SH2D4A: variants seen among roughly 807,000 people sequenced by gnomAD.
SH2D4A encodes the protein SH2 domain-containing protein 4A.
A neutral mutation model predicts 64.7 loss-of-function variants in SH2D4A; 70 were observed. That is an observed-to-expected ratio of 1.08 (90% CI 0.89 to 1.32). The LOEUF is 1.32. Ranked by LOEUF, SH2D4A falls within the 40% of genes most tolerant of loss-of-function variation. The pLI, the probability that SH2D4A is intolerant of heterozygous loss-of-function variation, is 0.00. For missense variants in SH2D4A, 706 were observed against 540.1 expected, an observed-to-expected ratio of 1.31 and a Z score of -3.04; for synonymous variants, 268 against 200.7, an observed-to-expected ratio of 1.34 and a Z score of -2.83.
intron 7 of SH2D4A, among the ~76,000 whole-genome samples, chr8:19,367,752 C>T (rs771210213): frequency 2.6e-5 from 4 of 151,890 alleles, no homozygotes; most frequent in Admixed American, 6.6e-5. Flanking sequence ...TATTTTTCTT[C>T]GGTTGCCTGT....
Position 19,319,518 on chromosome 8 carries a change from A to C in SH2D4A, c.-30A>C. On this transcript the variant is annotated 5_prime_UTR_variant, in exon 2 of 10. Coordinates refer to ENST00000265807, the MANE Select transcript of SH2D4A (RefSeq NM_022071.4). ...GAGGCCAGTTTCAGGAACTTTTGCC[A>C]CAAGTATAAAAGACTTCAGAAGTGC... 1 of 1,424,310 alleles carries C rather than the reference A, an allele frequency of 7.0e-7. No individual in the cohort carries two copies. The highest frequency in any genetic ancestry group is 9.2e-7 in the Non-Finnish European group (1 of 1,082,272). 88.2% of individuals were successfully genotyped at this position (1,424,310 alleles called of 1,614,324 possible). A position where few individuals can be genotyped will look rare whatever the true frequency, so the allele number is the denominator to read the frequency against.
At chr8:19,363,869 G>C (rs1450311362) in intron 6 of SH2D4A, 2 of 590,200 alleles carry the variant, frequency 3.4e-6, no homozygotes, top group Admixed American at 3.0e-5. Context: ...CCCCAGTCCT[G>C]TATGAAGAGA....
At chr8:19,332,691 CAAAAAA>C (rs58695585) in intron 2 of SH2D4A, among the ~76,000 whole-genome samples, 4,102 of 81,634 alleles carry the variant, frequency 0.05, 75 homozygotes, top group Non-Finnish European at 0.064. Context: ...GTGAGACTGT[CAAAAAA>C]AAAAAAAAAA....
intron 6 of SH2D4A, among the ~76,000 whole-genome samples, chr8:19,362,695 G>T (rs527618275): frequency 6.6e-6 from 1 of 151,968 alleles, no homozygotes; most frequent in Admixed American, 6.6e-5. Flanking sequence ...AGCCGAGATC[G>T]TACCACTGCA....
chr8:19,328,640 A>T (rs933283503), intron 2 of SH2D4A, among the ~76,000 whole-genome samples: 1 of 152,142 alleles, frequency 6.6e-6, no homozygotes, highest in East Asian at 1.9e-4. Context: ...ACCCTGGTCC[A>T]TCCTGTATAT....
intron 1 of SH2D4A, among the ~76,000 whole-genome samples, chr8:19,314,519 C>G (rs2052053295): frequency 6.6e-6 from 1 of 152,122 alleles, no homozygotes; most frequent in Admixed American, 6.5e-5. Context: ...CTGCCCGCTC[C>G]TGGACTCGGG....
intron 6 of SH2D4A, among the ~76,000 whole-genome samples, chr8:19,361,680 G>C (rs2052890981): frequency 6.6e-6 from 1 of 152,198 alleles, no homozygotes; most frequent in Admixed American, 6.5e-5. Flanking sequence ...ATTTAGAAAT[G>C]TCTAAGTATC....
Position 19,394,730 on chromosome 8 carries a change from C to T in SH2D4A, c.*88C>T, listed in dbSNP as rs2053558738. 2 of 947,158 alleles carry T rather than the reference C, an allele frequency of 2.1e-6. No homozygotes were observed. The highest frequency in any genetic ancestry group is 3.1e-6 in the Non-Finnish European group (2 of 642,854). The allele number at this position is 947,158 out of a possible 1,614,324, so 58.7% of individuals were successfully genotyped here. A position where few individuals can be genotyped will look rare whatever the true frequency, so the allele number is the denominator to read the frequency against. On this transcript the variant is annotated 3_prime_UTR_variant, in exon 10 of 10. Coordinates refer to ENST00000265807, the MANE Select transcript of SH2D4A (RefSeq NM_022071.4). ...CAACATTTATGTGTGAAGCCAAAAT[C>T]ACCCTGCAGCAGAGCCAATACTGAT...
At chr8:19,339,495 C>CT (rs5889867) in intron 4 of SH2D4A, among the ~76,000 whole-genome samples, 102,960 of 128,956 alleles carry the variant, frequency 0.8, 42,446 homozygotes, top group East Asian at 0.9. Flanking sequence ...TATAAACTTT[C>CT]TTTTTTTTTT....
Position 19,394,574 on chromosome 8 carries a change from AAGG to A in SH2D4A, c.1300_1302del (p.Glu434del), listed in dbSNP as rs1208261776. On this transcript the variant is annotated inframe_deletion, in exon 10 of 10. Transcript: ENST00000265807. ...GGAGGAACCCATCACTTCCCTGGGG[AAGG>A]AGCTCCTTCTCTATCCCTGTGGTCA... The A allele has an allele frequency of 6.2e-7, 1 of 1,607,826 alleles. No homozygotes were observed. The highest frequency in any genetic ancestry group is 1.7e-5 in the Admixed American group (1 of 59,450).
rs749642107 is a variant in SH2D4A, at chr8:19,357,222, G to A, written c.533G>A (p.Arg178Lys). 6.2e-7 allele frequency: 1 copy of A among 1,613,774 alleles called. No homozygotes were observed. The highest frequency in any genetic ancestry group is 1.3e-5 in the African/African-American group (1 of 74,936). The change falls in exon 5 of 10, where the codon AGA (arginine) becomes AAA (lysine). Residue 178 changes from arginine (R) to lysine (K), a missense_variant. Transcript: ENST00000265807. ...EKIRSLSSSS[R>K]NIQQMLADSI... ...TTTTAGTCACTCTCCAGTTCTTCAA[G>A]AAATATTCAACAAATGTTGGCAGAT...
intron 5 of SH2D4A, among the ~76,000 whole-genome samples, chr8:19,357,978 G>A (rs2052820750): frequency 1.3e-5 from 2 of 152,052 alleles, no homozygotes; most frequent in Admixed American, 1.3e-4. Context: ...TGTTCCTGTG[G>A]ACCATGCCAT....
At chr8:19,324,503 A>G (rs2052243776) in intron 2 of SH2D4A, among the ~76,000 whole-genome samples, 2 of 152,158 alleles carry the variant, frequency 1.3e-5, no homozygotes, top group Non-Finnish European at 2.9e-5. Context: ...TAGGGCTATC[A>G]GCACAGGGGC....
chr8:19,335,931 T>G (rs890004026), intron 4 of SH2D4A, among the ~76,000 whole-genome samples: 2 of 152,244 alleles, frequency 1.3e-5, no homozygotes, highest in Non-Finnish European at 2.9e-5. Context: ...TGCAGTTGTT[T>G]GATTTCCATT....
intron 9 of SH2D4A, 138 bp downstream of exon 9, chr8:19,393,679 T>A: frequency 1.3e-6 from 1 of 768,154 alleles, no homozygotes; most frequent in South Asian, 1.8e-5. Flanking sequence ...CTTTGATAAT[T>A]CTTCCTGATA....
At chr8:19,370,689 G>A (rs1457414115) in intron 7 of SH2D4A, among the ~76,000 whole-genome samples, 1 of 151,956 alleles carries the variant, frequency 6.6e-6, no homozygotes, top group African/African-American at 2.4e-5. Flanking sequence ...TTTTTATTTA[G>A]CCACTCTATG....
chr8:19,359,836 T>C (rs1347134672), intron 5 of SH2D4A, among the ~76,000 whole-genome samples: 1 of 152,266 alleles, frequency 6.6e-6, no homozygotes, highest in African/African-American at 2.4e-5. Flanking sequence ...TTAATGTTTA[T>C]ACTTTACGTT....
At chr8:19,381,941 A>T (rs1295600616) in intron 8 of SH2D4A, among the ~76,000 whole-genome samples, 6 of 151,994 alleles carry the variant, frequency 3.9e-5, no homozygotes, top group Non-Finnish European at 8.8e-5. Context: ...GGTGTGTTAC[A>T]TTGATCGATT....
rs200551257 is a variant in SH2D4A at position 19,319,598 on chromosome 8, A to C, written c.51A>C (p.Ala17=). ...SEMYIDPDLL[A]ELSEEQKQIL... Reference sequence around the variant, plus strand: ...TGTACATAGATCCTGATCTACTGGCAGAGCTCAGCGAAGAACAGAAACAGA... The same window carrying C: ...TGTACATAGATCCTGATCTACTGGCCGAGCTCAGCGAAGAACAGAAACAGA... Residue 17 remains alanine, a synonymous_variant, in exon 2 of 10, where the codon GCA becomes GCC. Coordinates refer to ENST00000265807, the MANE Select transcript of SH2D4A (RefSeq NM_022071.4). 15 of 1,605,180 alleles carry C rather than the reference A, an allele frequency of 9.3e-6. No homozygotes were observed. The East Asian group carries it at 3.2e-4, about 34-fold the overall frequency.
Sources: allele counts gnomAD v4.1 joint callset (sites outside exome capture counted in the v4.1 genomes callset), GRCh38; gene constraint gnomAD v4.1.1; transcripts MANE v1.5; gene names NCBI Gene and HGNC (gene_info 2026-07-23, HGNC 2026-07-21).